The following RANBP2 variants were observed in gnomAD, a reference collection of about 807,000 sequenced individuals.
RANBP2 encodes RAN binding protein 2, also known as E3 SUMO-protein ligase RanBP2.
RANBP2 carries 57 observed loss-of-function variants against 303.6 expected under a neutral mutation model. The observed-to-expected ratio is 0.19, with a 90% confidence interval of 0.15 to 0.23. The LOEUF is 0.23. RANBP2 is among the 10% of genes least tolerant of loss of function. The pLI is 1.00. For synonymous variants in RANBP2, 1,167 were observed against 1,301.5 expected (o/e 0.90, Z 2.23); for missense variants, 3,138 against 3,780.8 (o/e 0.83, Z 4.46).
the RANBP2 span, among the ~76,000 whole-genome samples, chr2:109,178,292 A>G: frequency 6.6e-6 from 1 of 152,194 alleles, no homozygotes; most frequent in East Asian, 1.9e-4. Flanking sequence ...TTTAATTTTT[A>G]GAGCTCTTTT....
chr2:109,656,183 C>A, the RANBP2 span, among the ~76,000 whole-genome samples: 431 of 152,242 alleles, frequency 2.8e-3, 4 homozygotes, highest in African/African-American at 9.6e-3. Context: ...GGGGCCATGC[C>A]AATCCCCCTT....
At chr2:108,918,239 C>T in the RANBP2 span, among the ~76,000 whole-genome samples, 1 of 152,140 alleles carries the variant, frequency 6.6e-6, no homozygotes, top group Admixed American at 6.5e-5. Context: ...GGATAGGCAC[C>T]GGCACCCCCT....
chr2:108,835,160 CATT>C, the RANBP2 span, among the ~76,000 whole-genome samples: 2 of 152,174 alleles, frequency 1.3e-5, no homozygotes. Context: ...TGCAGCTTAA[CATT>C]ATGATTCAAA....
chr2:109,357,616 A>G, the RANBP2 span, among the ~76,000 whole-genome samples: 1 of 152,236 alleles, frequency 6.6e-6, no homozygotes, highest in African/African-American at 2.4e-5. Flanking sequence ...CTTCACATCA[A>G]GGAATCACGC....
the RANBP2 span, among the ~76,000 whole-genome samples, chr2:109,600,268 A>G: frequency 6.6e-6 from 1 of 152,026 alleles, no homozygotes; most frequent in African/African-American, 2.4e-5. Flanking sequence ...CAGCACCCAC[A>G]TGTCCTGCTT....
the RANBP2 span, chr2:108,846,668 C>T: frequency 7.3e-7 from 1 of 1,368,170 alleles, no homozygotes; most frequent in East Asian, 2.4e-5. Flanking sequence ...CAGAGCAAGA[C>T]TGTGTCTCAA....
At chr2:109,694,801 A>ATGTGTGTGTGTGTGTG in the RANBP2 span, among the ~76,000 whole-genome samples, 3 of 146,332 alleles carry the variant, frequency 2.1e-5, no homozygotes, top group Non-Finnish European at 3.0e-5. Context: ...ATCCATAGGG[A>ATGTGTGTGTGTGTGTG]TGTGTGTGTG....
the RANBP2 span, chr2:109,501,704 G>C: frequency 1.4e-5 from 10 of 728,598 alleles, no homozygotes; most frequent in East Asian, 7.8e-5. Context: ...GCTCACAGAG[G>C]GGGAGGCCGC....
At chr2:109,496,056 G>C in the RANBP2 span, among the ~76,000 whole-genome samples, 1 of 152,178 alleles carries the variant, frequency 6.6e-6, no homozygotes, top group Non-Finnish European at 1.5e-5. Flanking sequence ...GACCCACCGG[G>C]TTGCCCTGGG....
the RANBP2 span, among the ~76,000 whole-genome samples, chr2:109,354,877 C>G: frequency 6.6e-6 from 1 of 152,354 alleles, no homozygotes; most frequent in East Asian, 1.9e-4. Context: ...ATGGCAGGTC[C>G]TACCATGTCA....
At chr2:109,580,099 C>T in the RANBP2 span, among the ~76,000 whole-genome samples, 12 of 151,360 alleles carry the variant, frequency 7.9e-5, 1 homozygote, top group East Asian at 2.0e-4. Context: ...CCAGCCTGGG[C>T]GACAAGAGTG....
chr2:109,618,875 G>A, the RANBP2 span: 2 of 166,904 alleles, frequency 1.2e-5, no homozygotes, highest in East Asian at 1.9e-4. Context: ...GTTTTTTCAC[G>A]CCTGCAATCT....
chr2:109,073,512 C>CAAAA, the RANBP2 span, among the ~76,000 whole-genome samples: 1 of 150,032 alleles, frequency 6.7e-6, no homozygotes, highest in Non-Finnish European at 1.5e-5. Flanking sequence ...ACTAAAAATA[C>CAAAA]AAAAAAATTA....
the RANBP2 span, among the ~76,000 whole-genome samples, chr2:109,205,149 A>G: frequency 1.3e-5 from 2 of 152,220 alleles, no homozygotes; most frequent in South Asian, 4.1e-4. Context: ...TGAGGCTACA[A>G]TGAGCCATGT....
the RANBP2 span, among the ~76,000 whole-genome samples, chr2:109,419,180 A>G: frequency 1.3e-5 from 2 of 152,028 alleles, no homozygotes; most frequent in Non-Finnish European, 2.9e-5. Flanking sequence ...TCATAGCATG[A>G]AAGATTTTGT....
chr2:109,600,538 GAAA>G, the RANBP2 span, among the ~76,000 whole-genome samples: 2 of 132,346 alleles, frequency 1.5e-5, no homozygotes, highest in African/African-American at 5.6e-5. Context: ...GCAATGAGTT[GAAA>G]AAAAAAAAAA....
chr2:109,678,338 C>T, the RANBP2 span, among the ~76,000 whole-genome samples: 1 of 152,234 alleles, frequency 6.6e-6, no homozygotes, highest in Non-Finnish European at 1.5e-5. Context: ...AGGAGGATTG[C>T]CAAGAGTTCA....
the RANBP2 span, chr2:109,129,540 C>T: frequency 6.7e-7 from 1 of 1,496,610 alleles, no homozygotes; most frequent in Non-Finnish European, 8.8e-7. Context: ...GCGCCTCCCC[C>T]ATGCTGCTCG....
the RANBP2 span, among the ~76,000 whole-genome samples, chr2:109,678,701 G>T: frequency 6.6e-6 from 1 of 152,342 alleles, no homozygotes; most frequent in South Asian, 2.1e-4. Context: ...TGCATGCTCT[G>T]TGACTGTTTT....
Sources: gnomAD v4.1 joint callset for allele counts (sites outside exome capture counted in the v4.1 genomes callset) on GRCh38, gnomAD v4.1.1 for gene constraint, MANE v1.5 for transcripts, NCBI Gene and HGNC (gene_info 2026-07-23, HGNC 2026-07-21) for gene names.